The following PRRC1 variants were observed in gnomAD, a reference collection of about 807,000 sequenced individuals.
The protein encoded by PRRC1 is proline rich coiled-coil 1.
PRRC1 carries 39 observed loss-of-function variants against 40.7 expected under a neutral mutation model. The observed-to-expected ratio is 0.96, with a 90% CI of 0.74 to 1.25. The LOEUF is 1.25. Ranked by LOEUF, PRRC1 falls within the 50% of genes most tolerant of loss-of-function variation. The pLI is 0.00. For synonymous variants in PRRC1, 175 were observed against 193.3 expected (o/e 0.91, Z 0.79); for missense variants, 573 against 548.3 (o/e 1.05, Z -0.45).
Position 127,553,048 on chromosome 5 carries a change from T to G in PRRC1, c.*1132T>G. 1.4e-6 allele frequency: 1 copy of G among 735,816 alleles called. No homozygotes were observed. Among genetic ancestry groups the G allele is most frequent in the Non-Finnish European group, 1.7e-6 (1 of 603,246 alleles). The allele number at this position is 735,816 out of a possible 1,614,324, so 45.6% of individuals were successfully genotyped here. A position where few individuals can be genotyped will look rare whatever the true frequency, so the allele number is the denominator to read the frequency against. The stretch of plus-strand genomic sequence containing the variant: ...AATGATAATTAAATAAATTTTTTTC[T>G]TAATACTGTTGGACTTTGTATATAC... On this transcript the variant is annotated 3_prime_UTR_variant, in exon 9 of 9. Coordinates refer to ENST00000296666, the MANE Select transcript of PRRC1 (RefSeq NM_130809.5).
At chr5:127,524,279 CCAAAA>C (rs749836046) in intron 2 of PRRC1, among the ~76,000 whole-genome samples, 4 of 151,906 alleles carry the variant, frequency 2.6e-5, no homozygotes, top group Non-Finnish European at 4.4e-5. Context: ...TAAAAATACA[CCAAAA>C]CAAACCAAAA....
At chr5:127,548,599 G>C (rs940517503) in intron 8 of PRRC1, 6 of 151,772 alleles carry the variant, frequency 4.0e-5, no homozygotes, top group Non-Finnish European at 7.4e-5. Context: ...TTTTGTTACA[G>C]TTGTAGTTTG....
chr5:127,518,372 G>A (rs1561676606), intron 1 of PRRC1, among the ~76,000 whole-genome samples: 1 of 152,224 alleles, frequency 6.6e-6, no homozygotes, highest in South Asian at 2.1e-4. Flanking sequence ...TCGTTTCTTT[G>A]TTTGGTCTTG....
At position 127,553,259 on chromosome 5, in the gene PRRC1, G is replaced by A; in HGVS notation, c.*1343G>A. On this transcript the variant is annotated 3_prime_UTR_variant, in exon 9 of 9. Transcript: ENST00000296666. Reference sequence around the variant, plus strand: ...GGTATCAGGTTTGCTTTGTGTTAATGCCACTTCAAGTCATTATTTGGTTTC... The same window carrying A: ...GGTATCAGGTTTGCTTTGTGTTAATACCACTTCAAGTCATTATTTGGTTTC... The A allele has an allele frequency of 1.0e-6, 1 of 987,154 alleles. No individual in the cohort carries two copies. Among genetic ancestry groups the A allele is most frequent in the South Asian group, 4.7e-5 (1 of 21,392 alleles). The allele number at this position is 987,154 out of a possible 1,614,324, so 61.1% of individuals were successfully genotyped here.
chr5:127,539,037 T>C lies in PRRC1; in HGVS notation c.922-3T>C, dbSNP rs771449158. ...GTCTCTAACCTCTGCCATTGTTGTT[T>C]AGGGTGCTCAGGAACGGATAGATAG... On this transcript the variant is annotated splice_polypyrimidine_tract_variant and splice_region_variant and intron_variant, in intron 6 of 8. Transcript: ENST00000296666. The C allele has an allele frequency of 2.0e-5, 33 of 1,611,270 alleles. No individual in the cohort carries two copies. In the Admixed American group the frequency reaches 2.2e-4, roughly 11 times the overall value.
rs1427560486 is a variant in PRRC1 at position 127,551,738 on chromosome 5, T to G, written c.1160T>G (p.Leu387Arg). The G allele has an allele frequency of 3.7e-6, 6 of 1,614,124 alleles. 1 individual carries two copies. The highest frequency in any genetic ancestry group is 1.6e-4 in the Middle Eastern group (1 of 6,062). ...AQSLTPQDYN[L>R]RWSGLLVTVG... ...AGTCTAACTCCCCAGGACTATAATC[T>G]GAGGTGGTCAGGCCTTTTGGTGACA... Residue 387 changes from leucine (L) to arginine (R), a missense_variant, in exon 9 of 9, where the codon CTG becomes CGG. Physicochemically the swap from Leu to Arg is moderately radical, Grantham distance 102 (BLOSUM62 -2). Transcript: ENST00000296666.
chr5:127,536,868 A>T (rs963754549), intron 6 of PRRC1, among the ~76,000 whole-genome samples: 1 of 151,740 alleles, frequency 6.6e-6, no homozygotes, highest in Admixed American at 6.6e-5. Flanking sequence ...TCGGCTTTTT[A>T]TTTTTTTTCA....
Position 127,553,491 on chromosome 5 carries a change from T to C in PRRC1, c.*1575T>C. The C allele has an allele frequency of 8.8e-7, 1 of 1,142,726 alleles. No individual in the cohort carries two copies. Among genetic ancestry groups the C allele is most frequent in the Non-Finnish European group, 1.1e-6 (1 of 925,262 alleles). The allele number at this position is 1,142,726 out of a possible 1,614,324, so 70.8% of individuals were successfully genotyped here. On this transcript the variant is annotated 3_prime_UTR_variant, in exon 9 of 9. Transcript: ENST00000296666. ...ACAGGGACAGAATACTTTCTTTCTT[T>C]CCTTCAAGTACAAGAAGGCTTTCTC...
Position 127,523,570 on chromosome 5 carries a change from CCTGTTCCATTA to C in PRRC1, c.92_102del (p.Pro31ArgfsTer70). The C allele has an allele frequency of 1.9e-6, 3 of 1,606,744 alleles. No individual in the cohort carries two copies. Among genetic ancestry groups the C allele is most frequent in the Non-Finnish European group, 2.6e-6 (3 of 1,176,338 alleles). On this transcript the variant is annotated frameshift_variant and splice_region_variant, in exon 2 of 9. Transcript: ENST00000296666. LOFTEE classifies it high-confidence loss of function. ...GGCTGCTACTGCTATGTCTTCTACC[CCTGTTCCATTA>C]GGTACATGTAGTTGTCTAACATCTC... is the stretch of plus-strand genomic sequence containing the variant.
Position 127,553,131 on chromosome 5 carries a change from A to G in PRRC1, c.*1215A>G, listed in dbSNP as rs1741792726. On this transcript the variant is annotated 3_prime_UTR_variant, in exon 9 of 9. Transcript: ENST00000296666. ...TATATAAATGTAATTTAATTTTTTTACTCTTCTATACAGTTCTTTAGATGT... is the reference window on the plus strand; with the variant it reads ...TATATAAATGTAATTTAATTTTTTTGCTCTTCTATACAGTTCTTTAGATGT... 3 of 949,430 alleles carry G rather than the reference A, an allele frequency of 3.2e-6. No homozygotes were observed. The highest frequency in any genetic ancestry group is 3.8e-6 in the Non-Finnish European group (3 of 797,812). 58.8% of individuals were successfully genotyped at this position (949,430 alleles called of 1,614,324 possible).
chr5:127,519,035 T>C (rs1767390347), intron 1 of PRRC1, among the ~76,000 whole-genome samples: 1 of 152,192 alleles, frequency 6.6e-6, no homozygotes, highest in Non-Finnish European at 1.5e-5. Context: ...ACAAAGAAAT[T>C]GATTATTTAT....
chr5:127,525,697 C>A (rs1246726070), intron 3 of PRRC1, among the ~76,000 whole-genome samples: 1 of 152,110 alleles, frequency 6.6e-6, no homozygotes, highest in Non-Finnish European at 1.5e-5. Flanking sequence ...TTACCTATTT[C>A]ACATTTTTGC....
intron 6 of PRRC1, 81 bp from the exon 7 acceptor site, chr5:127,538,959 C>A: frequency 1.1e-6 from 1 of 916,816 alleles, no homozygotes; most frequent in Non-Finnish European, 1.7e-6. Context: ...TAAATGTATG[C>A]ATGTATTGTG....
At chr5:127,518,105 C>T (rs1344523802) in intron 1 of PRRC1, 2 of 152,414 alleles carry the variant, frequency 1.3e-5, no homozygotes, top group Non-Finnish European at 1.5e-5. Flanking sequence ...TCTGGCCCCA[C>T]CTTCCAGGGC....
intron 6 of PRRC1, among the ~76,000 whole-genome samples, chr5:127,536,924 T>TA (rs1561684141): frequency 6.6e-6 from 1 of 151,900 alleles, no homozygotes; most frequent in Non-Finnish European, 1.5e-5. Flanking sequence ...TGTAGAGTCT[T>TA]AGAGTATAAA....
At position 127,552,938 on chromosome 5, in the gene PRRC1, CTAGTT is replaced by C. The variant is rs1768430704; in HGVS notation, c.*1025_*1029del. The stretch of plus-strand genomic sequence containing the variant: ...TCAAAGAAACTATTTTATATTCAAT[CTAGTT>C]TATTTAGTCTACTGTATTTCTATTT... On this transcript the variant is annotated 3_prime_UTR_variant, in exon 9 of 9. Coordinates refer to ENST00000296666, the MANE Select transcript of PRRC1 (RefSeq NM_130809.5). The C allele has an allele frequency of 2.2e-6, 2 of 889,776 alleles. No individual in the cohort carries two copies. The highest frequency in any genetic ancestry group is 2.7e-6 in the Non-Finnish European group (2 of 743,792). The allele number at this position is 889,776 out of a possible 1,614,324, so 55.1% of individuals were successfully genotyped here.
In PRRC1 at chr5:127,524,769, T is replaced by C; in HGVS notation, c.342T>C (p.Thr114=). ...NPPVSHFPPS[T]SAPNTLLPAP... ...CTGTATCTCACTTCCCACCTTCAACTTCTGCCCCAAACACTCTTTTACCTG... is the reference window on the plus strand; with the variant it reads ...CTGTATCTCACTTCCCACCTTCAACCTCTGCCCCAAACACTCTTTTACCTG... Residue 114 remains threonine (T), a synonymous_variant, in exon 3 of 9, where the codon ACT becomes ACC. Coordinates refer to ENST00000296666, the MANE Select transcript of PRRC1 (RefSeq NM_130809.5). The C allele has an allele frequency of 6.2e-7, 1 of 1,614,202 alleles. No individual in the cohort carries two copies. Among genetic ancestry groups the C allele is most frequent in the Non-Finnish European group, 8.5e-7 (1 of 1,180,036 alleles).
Position 127,554,669 on chromosome 5 carries a change from T to C in PRRC1, c.*2753T>C, listed in dbSNP as rs1768480819. 1 of 152,628 alleles carries C rather than the reference T, an allele frequency of 6.6e-6. No homozygotes were observed. The highest frequency in any genetic ancestry group is 6.5e-5 in the Admixed American group (1 of 15,282). 9.5% of individuals were successfully genotyped at this position (152,628 alleles called of 1,614,324 possible). ...TGATTCTGTTATTACTTTCCTATTCTTTATTCCTCTTTCTTCTGAAGATTA... is the reference window on the plus strand; with the variant it reads ...TGATTCTGTTATTACTTTCCTATTCCTTATTCCTCTTTCTTCTGAAGATTA... On this transcript the variant is annotated 3_prime_UTR_variant, in exon 9 of 9. Transcript: ENST00000296666.
At chr5:127,518,995 C>T (rs558423699) in intron 1 of PRRC1, among the ~76,000 whole-genome samples, 22 of 152,148 alleles carry the variant, frequency 1.4e-4, no homozygotes, top group African/African-American at 5.1e-4. Flanking sequence ...ATTGCCATTA[C>T]GGCAGTTTTC....
Sources: allele counts gnomAD v4.1 joint callset (sites outside exome capture counted in the v4.1 genomes callset), GRCh38; gene constraint gnomAD v4.1.1; transcripts MANE v1.5; gene names NCBI Gene and HGNC (gene_info 2026-07-23, HGNC 2026-07-21).